The following AJAP1 variants were observed in gnomAD, a reference collection of about 807,000 sequenced individuals.
AJAP1 encodes adherens junctions associated protein 1, also known as adherens junction-associated protein 1.
Under a neutral mutation model 35.0 loss-of-function variants are expected in AJAP1, and 5 were observed. That is an observed-to-expected ratio of 0.14 (90% confidence interval 0.07 to 0.30). The LOEUF is 0.30. Ranked by LOEUF, AJAP1 falls within the 10% of genes least tolerant of loss-of-function variation. The pLI, the probability that AJAP1 is intolerant of heterozygous loss-of-function variation, is 1.00. For synonymous variants in AJAP1, 284 were observed against 249.3 expected, an observed-to-expected ratio of 1.14 and a Z score of -1.31; for missense variants, 586 against 571.0, an observed-to-expected ratio of 1.03 and a Z score of -0.27.
chr1:4,758,518 A>G (rs1023271640), intron 2 of AJAP1, among the ~76,000 whole-genome samples: 1 of 152,138 alleles, frequency 6.6e-6, no homozygotes, highest in African/African-American at 2.4e-5. Context: ...TGAAGCGGGG[A>G]AAGAGCCCCT....
Position 4,769,939 on chromosome 1 carries a change from T to C in AJAP1, c.916T>C (p.Cys306Arg). The C allele has an allele frequency of 1.2e-6, 2 of 1,613,008 alleles. No homozygotes were observed. The highest frequency in any genetic ancestry group is 1.7e-6 in the Non-Finnish European group (2 of 1,179,066). ...CATCACAACTCTTGTCTTAAAAAAT[T>C]GGTAAGGCTCCTTGGGCCCTTCTGG... ...ALITTLVLKN[C>R]CAQSGNTRRN... The change falls in exon 3 of 6, where the codon TGC becomes CGC. Residue 306 changes from cysteine to arginine, a missense_variant and splice_region_variant. Physicochemically the swap from Cys to Arg is radical, Grantham distance 180. Transcript: ENST00000378191.
At chr1:4,756,898 C>T (rs184263015) in intron 2 of AJAP1, among the ~76,000 whole-genome samples, 1 of 152,060 alleles carries the variant, frequency 6.6e-6, no homozygotes, top group Non-Finnish European at 1.5e-5. Flanking sequence ...TGCAGTGCCC[C>T]CTCCAAGTGT....
At chr1:4,663,358 G>A (rs116035264) in intron 1 of AJAP1, among the ~76,000 whole-genome samples, 4,888 of 119,578 alleles carry the variant, frequency 0.041, 246 homozygotes, top group African/African-American at 0.15. Flanking sequence ...CAGAAAGCAC[G>A]GGTGTTGGTG....
intron 2 of AJAP1, among the ~76,000 whole-genome samples, chr1:4,714,510 C>T (rs556758397): frequency 4.6e-5 from 7 of 152,302 alleles, no homozygotes; most frequent in African/African-American, 1.4e-4. Flanking sequence ...TTCCAAATTA[C>T]ATTTGTTATT....
intron 1 of AJAP1, among the ~76,000 whole-genome samples, chr1:4,709,431 G>T (rs1456631586): frequency 6.6e-6 from 1 of 151,638 alleles, no homozygotes; most frequent in Non-Finnish European, 1.5e-5. Flanking sequence ...GGTGAGGTCT[G>T]GTGAGGCCTG....
At chr1:4,686,005 T>C (rs1223053263) in intron 1 of AJAP1, among the ~76,000 whole-genome samples, 1 of 152,214 alleles carries the variant, frequency 6.6e-6, no homozygotes, top group Non-Finnish European at 1.5e-5. Flanking sequence ...TCATCTCCTG[T>C]TTTCTGCAAG....
At chr1:4,757,448 C>T (rs11591221) in intron 2 of AJAP1, among the ~76,000 whole-genome samples, 3,463 of 152,316 alleles carry the variant, frequency 0.023, 80 homozygotes, top group South Asian at 0.12. Context: ...TGATGGCAAA[C>T]GGACAAAATG....
intron 1 of AJAP1, among the ~76,000 whole-genome samples, chr1:4,670,427 T>C (rs1322804761): frequency 2.6e-5 from 4 of 152,202 alleles, no homozygotes; most frequent in Admixed American, 2.6e-4. Context: ...TGTGATCTAC[T>C]GAAAAATACC....
intron 1 of AJAP1, among the ~76,000 whole-genome samples, chr1:4,705,395 CTTTTTTTTT>C (rs58022692): frequency 2.1e-4 from 5 of 23,802 alleles, no homozygotes; most frequent in South Asian, 4.9e-3. Flanking sequence ...TTTTGAAGAG[CTTTTTTTTT>C]TTTTTTTTTT....
At chr1:4,713,485 G>A (rs1220276407) in intron 2 of AJAP1, among the ~76,000 whole-genome samples, 1 of 152,094 alleles carries the variant, frequency 6.6e-6, no homozygotes, top group Non-Finnish European at 1.5e-5. Context: ...CCTCCTATAC[G>A]CTGTCCTCCA....
At chr1:4,758,845 AG>A (rs1641499197) in intron 2 of AJAP1, among the ~76,000 whole-genome samples, 1 of 152,162 alleles carries the variant, frequency 6.6e-6, no homozygotes, top group African/African-American at 2.4e-5. Flanking sequence ...GCAGCTTCTC[AG>A]GGCTGAGTCC....
At chr1:4,752,978 T>C (rs2100335175) in intron 2 of AJAP1, among the ~76,000 whole-genome samples, 1 of 152,338 alleles carries the variant, frequency 6.6e-6, no homozygotes, top group Non-Finnish European at 1.5e-5. Context: ...GCCACATGCC[T>C]TTGTTCTGGA....
rs1642256459 is a variant in AJAP1, at chr1:4,792,074, T to C, written c.*9589T>C. 6.6e-6 allele frequency: 1 copy of C among 152,206 alleles called. No homozygotes were observed. The highest frequency in any genetic ancestry group is 6.5e-5 in the Admixed American group (1 of 15,278). 9.4% of individuals were successfully genotyped at this position (152,206 alleles called of 1,614,324 possible). A position where few individuals can be genotyped will look rare whatever the true frequency, so the allele number is the denominator to read the frequency against. On this transcript the variant is annotated 3_prime_UTR_variant, in exon 6 of 6. Transcript: ENST00000378191. ...AAAACTGGTTTTATTTTCATTTTCC[T>C]AAATTATTTTCTGATACAATAAACT... is the stretch of plus-strand genomic sequence containing the variant.
rs1178134169 is a variant in AJAP1 at position 4,693,381 on chromosome 1, C to T, written c.30-18519C>T. ...GGAGTCATGGAGGGCTTCCTGGAGGCAGGGGGCGGGGGGAGGGATTGGAGG... is the reference window on the plus strand; with the variant it reads ...GGAGTCATGGAGGGCTTCCTGGAGGTAGGGGGCGGGGGGAGGGATTGGAGG... On this transcript the variant is annotated intron_variant, in intron 1 of 5. Coordinates refer to ENST00000378191, the MANE Select transcript of AJAP1 (RefSeq NM_018836.4). The surrounding 1 kb of genome is among the most constrained non-coding windows in gnomAD (Gnocchi z 4.4). Among the ~76,000 whole-genome samples the T allele has an allele frequency of 6.0e-5, 6 of 99,306 alleles. No homozygotes were observed. The highest frequency in any genetic ancestry group is 1.2e-4 in the Admixed American group (1 of 8,336). 65.1% of individuals were successfully genotyped at this position (99,306 alleles called of 152,430 possible). A position where few individuals can be genotyped will look rare whatever the true frequency, so the allele number is the denominator to read the frequency against.
chr1:4,666,055 G>C (rs1368342960), intron 1 of AJAP1, among the ~76,000 whole-genome samples: 1 of 152,092 alleles, frequency 6.6e-6, no homozygotes, highest in Non-Finnish European at 1.5e-5. Flanking sequence ...GGGATGTGGA[G>C]GCACCCCGCA....
At chr1:4,659,116 C>CA (rs1156421917) in intron 1 of AJAP1, among the ~76,000 whole-genome samples, 1 of 152,178 alleles carries the variant, frequency 6.6e-6, no homozygotes, top group Non-Finnish European at 1.5e-5. Flanking sequence ...TAGGTAAACA[C>CA]AAAACCCTGA....
intron 2 of AJAP1, among the ~76,000 whole-genome samples, chr1:4,765,203 G>T (rs1641653260): frequency 6.6e-6 from 1 of 152,202 alleles, no homozygotes; most frequent in Non-Finnish European, 1.5e-5. Flanking sequence ...GGTCTGAATT[G>T]CAAAGAGTTT....
chr1:4,778,033 T>C (rs1641974015), intron 5 of AJAP1, among the ~76,000 whole-genome samples: 1 of 152,226 alleles, frequency 6.6e-6, no homozygotes, highest in Non-Finnish European at 1.5e-5. Context: ...TTTATGTATT[T>C]ATTTTATGTA....
chr1:4,756,397 T>A (rs142331248), intron 2 of AJAP1, among the ~76,000 whole-genome samples: 1 of 152,198 alleles, frequency 6.6e-6, no homozygotes, highest in Non-Finnish European at 1.5e-5. Flanking sequence ...TGGCATGGCC[T>A]GACCTTTTCT....
Sources: gnomAD v4.1 joint callset for allele counts (sites outside exome capture counted in the v4.1 genomes callset) on GRCh38, gnomAD v4.1.1 for gene constraint, Gnocchi (gnomAD v3.1) non-coding constraint, MANE v1.5 for transcripts, NCBI Gene and HGNC (gene_info 2026-07-23, HGNC 2026-07-21) for gene names.